BTNL2: variants seen among roughly 807,000 people sequenced by gnomAD.
BTNL2 encodes the protein butyrophilin like 2.
In BTNL2, 46 loss-of-function variants were observed where a neutral mutation model predicts 46.8. The observed-to-expected ratio is 0.98, with a 90% CI of 0.78 to 1.26. The LOEUF is 1.26. BTNL2 is among the 50% of genes most tolerant of loss of function. BTNL2 has a pLI of 0.00. For synonymous variants in BTNL2, 226 were observed against 229.1 expected (o/e 0.99, Z 0.12); for missense variants, 461 against 592.6 (o/e 0.78, Z 2.31).
rs760130566 is a variant in BTNL2 at position 32,405,267 on chromosome 6, G to A, written c.99C>T (p.Gly33=). 27 of 1,612,988 alleles carry A rather than the reference G, an allele frequency of 1.7e-5. No individual in the cohort carries two copies. In the South Asian group the frequency reaches 2.6e-4, roughly 16 times the overall value. Residue 33 remains glycine (G), a synonymous_variant, in exon 2 of 8, where the codon GGC becomes GGT. Transcript: ENST00000454136. ...CCCCGGCCAGGATAGGATGAGCAGGGCCAATGACTCTAAAGTCTTCTATAA... is the reference window on the plus strand; with the variant it reads ...CCCCGGCCAGGATAGGATGAGCAGGACCAATGACTCTAAAGTCTTCTATAA... ...MKQSEDFRVI[G]PAHPILAGVG...
chr6:32,396,244 C>T lies in BTNL2; in HGVS notation c.873G>A (p.Val291=), dbSNP rs753429144. 12 of 1,613,002 alleles carry T rather than the reference C, an allele frequency of 7.4e-6. No homozygotes were observed. In the Admixed American group the frequency reaches 1.7e-4, roughly 22 times the overall value. The change falls in exon 5 of 8, where the codon GTG becomes GTA. Residue 291 remains valine (V), a synonymous_variant. Transcript: ENST00000454136. This position sits in a 1 kb window ranked among gnomAD's most constrained non-coding sequence, Gnocchi z 4.4. ...CATGGTCCCCATCCATATACACATG[C>T]ACAGCAGGGTAACGGTGGGATCGGT... The part of the protein sequence containing the change: ...RWDRSHRYPA[V]HVYMDGDHVA...
At position 32,394,950 on chromosome 6, in the gene BTNL2, C is replaced by T; in HGVS notation, c.1154G>A (p.Gly385Glu). The T allele has an allele frequency of 6.2e-7, 1 of 1,614,094 alleles. No homozygotes were observed. Among genetic ancestry groups the T allele is most frequent in the Non-Finnish European group, 8.5e-7 (1 of 1,179,976 alleles). ...GEMQPMCSSD[G>E]WFPQPHVPWR... The stretch of plus-strand genomic sequence containing the variant: ...TGGCACGTGGGGCTGTGGGAACCAC[C>T]CATCTGAAGAGCACATCGGCTGCAT... The change falls in exon 6 of 8, where the codon GGG becomes GAG. Residue 385 changes from glycine to glutamate, a missense_variant. Physicochemically the swap from Gly to Glu is moderately conservative, Grantham distance 98. Transcript: ENST00000454136. The surrounding 1 kb of genome is among the most constrained non-coding windows in gnomAD (Gnocchi z 4.6).
chr6:32,405,053 C>T lies in BTNL2; in HGVS notation c.313G>A (p.Gly105Arg), dbSNP rs1777036266. 6.2e-7 allele frequency: 1 copy of T among 1,613,064 alleles called. No homozygotes were observed. Among genetic ancestry groups the T allele is most frequent in the Non-Finnish European group, 8.5e-7 (1 of 1,180,038 alleles). Residue 105 changes from glycine to arginine, a missense_variant, in exon 2 of 8, where the codon GGA becomes AGA. Transcript: ENST00000454136. ...VEWIENGIAK[G>R]NVALKIHNIQ... ...TTGTGTATCTTCAGTGCCACATTTC[C>T]CTTTGCAATGCCATTCTCTATCCAC...
At chr6:32,403,459 G>A (rs147758733) in intron 2 of BTNL2, among the ~76,000 whole-genome samples, 14 of 152,318 alleles carry the variant, frequency 9.2e-5, no homozygotes, top group African/African-American at 2.6e-4. Context: ...AAGGGGAATC[G>A]GAGAAGGGGG....
In BTNL2 at chr6:32,396,541, G is replaced by T; in HGVS notation, c.731-155C>A. On this transcript the variant is annotated intron_variant, in intron 4 of 7. Coordinates refer to ENST00000454136, the MANE Select transcript of BTNL2 (RefSeq NM_001304561.2). This position sits in a 1 kb window ranked among gnomAD's most constrained non-coding sequence, Gnocchi z 4.4. ...CCTTAGGTGAGGTGGGGGTTTCATG[G>T]ACTCAGAATAGAGGTTGCTCTTCTT... 1 of 713,472 alleles carries T rather than the reference G, an allele frequency of 1.4e-6. No homozygotes were observed. Among genetic ancestry groups the T allele is most frequent in the East Asian group, 2.7e-5 (1 of 37,148 alleles). The allele number at this position is 713,472 out of a possible 1,614,324, so 44.2% of individuals were successfully genotyped here. A position where few individuals can be genotyped will look rare whatever the true frequency, so the allele number is the denominator to read the frequency against.
chr6:32,395,963 G>T (rs1776420542), intron 5 of BTNL2, 76 bp downstream of exon 5: 1 of 1,214,954 alleles, frequency 8.2e-7, no homozygotes, highest in Non-Finnish European at 1.2e-6. Context: ...AAATGTCAGA[G>T]AAATTGTCCA....
Position 32,394,070 on chromosome 6 carries a change from C to T in BTNL2, c.1361-13G>A. 6.5e-7 allele frequency: 1 copy of T among 1,549,306 alleles called. No individual in the cohort carries two copies. The highest frequency in any genetic ancestry group is 8.7e-7 in the Non-Finnish European group (1 of 1,146,016). On this transcript the variant is annotated splice_polypyrimidine_tract_variant and intron_variant, in intron 6 of 7. Coordinates refer to ENST00000454136, the MANE Select transcript of BTNL2 (RefSeq NM_001304561.2). This position sits in a 1 kb window ranked among gnomAD's most constrained non-coding sequence, Gnocchi z 4.6. ...GTCATCCTGGACTCTAAAATGGAAACCCAAGAATCCCTTGAAACTGTGAAA... is the reference window on the plus strand; with the variant it reads ...GTCATCCTGGACTCTAAAATGGAAATCCAAGAATCCCTTGAAACTGTGAAA...
chr6:32,401,641 C>T, intron 4 of BTNL2, 144 bp downstream of exon 4: 1 of 677,116 alleles, frequency 1.5e-6, no homozygotes, highest in Non-Finnish European at 2.4e-6. Context: ...TGCTGGTCTC[C>T]TCTGGTATTT....
At chr6:32,400,684 C>T (rs796726745) in intron 4 of BTNL2, among the ~76,000 whole-genome samples, 67 of 145,872 alleles carry the variant, frequency 4.6e-4, no homozygotes, top group African/African-American at 1.6e-3. Flanking sequence ...CCAAGGCCGG[C>T]GGATCATGAG....
rs1357588427 is a variant in BTNL2, at chr6:32,403,022, C to A, written c.622G>T (p.Val208Phe). The A allele has an allele frequency of 6.2e-7, 1 of 1,612,866 alleles. No individual in the cohort carries two copies. Among genetic ancestry groups the A allele is most frequent in the Admixed American group, 1.7e-5 (1 of 60,012 alleles). ...GLFYAEATLV[V>F]RNASAESVSC... The stretch of plus-strand genomic sequence containing the variant: ...ACAGACTCTGCAGAGGCGTTCCTGA[C>A]CACCAGGGTGGCTTCCGCATAGAAC... The change falls in exon 3 of 8, where the codon GTC (valine) becomes TTC (phenylalanine). Residue 208 changes from valine to phenylalanine, a missense_variant. Val to Phe is a conservative substitution (Grantham distance 50). Coordinates refer to ENST00000454136, the MANE Select transcript of BTNL2 (RefSeq NM_001304561.2).
In BTNL2 at chr6:32,394,835, T is replaced by A. The variant is rs539316601; in HGVS notation, c.1269A>T (p.Leu423=). The change falls in exon 6 of 8, where the codon CTA becomes CTT. Residue 423 remains leucine, a synonymous_variant. Coordinates refer to ENST00000454136, the MANE Select transcript of BTNL2 (RefSeq NM_001304561.2). This position sits in a 1 kb window ranked among gnomAD's most constrained non-coding sequence, Gnocchi z 4.6. ...CCACAGCGGAGATGTTTGTGACCCT[T>A]AGCAATGTCTGCACGTGGAACAGCC... The part of the protein sequence containing the change: ...SHGLFHVQTL[L]RVTNISAVDV... The A allele has an allele frequency of 3.7e-6, 6 of 1,614,204 alleles. No individual in the cohort carries two copies. The South Asian group carries it at 6.6e-5, about 18-fold the overall frequency.
chr6:32,400,273 T>C (rs562307471), intron 4 of BTNL2, among the ~76,000 whole-genome samples: 3 of 152,238 alleles, frequency 2.0e-5, no homozygotes, highest in Admixed American at 6.5e-5. Flanking sequence ...AGAGATTGGG[T>C]TGTGTTTGTT....
chr6:32,398,929 T>C (rs1171728579), intron 4 of BTNL2, among the ~76,000 whole-genome samples: 1 of 152,160 alleles, frequency 6.6e-6, no homozygotes, highest in African/African-American at 2.4e-5. Flanking sequence ...ACTTTTTTTT[T>C]CTTTCAATTT....
In BTNL2 at chr6:32,396,171, T is replaced by A; in HGVS notation, c.946A>T (p.Ser316Cys). 1 of 1,613,112 alleles carries A rather than the reference T, an allele frequency of 6.2e-7. No individual in the cohort carries two copies. The highest frequency in any genetic ancestry group is 8.5e-7 in the Non-Finnish European group (1 of 1,180,028). ...AGTCTGCCCTCGTCAATGGCGTCAC[T>A]CACCAGTACAGTCCTCCCTCTGTAC... Reference protein sequence around the residue: ...AEYRGRTVLVSDAIDEGRLTL... With the variant: ...AEYRGRTVLVCDAIDEGRLTL... Residue 316 changes from serine (S) to cysteine (C), a missense_variant, in exon 5 of 8, where the codon AGT becomes TGT. Physicochemically the swap from Ser to Cys is moderately radical, Grantham distance 112 (BLOSUM62 -1). Coordinates refer to ENST00000454136, the MANE Select transcript of BTNL2 (RefSeq NM_001304561.2). The surrounding 1 kb of genome is among the most constrained non-coding windows in gnomAD (Gnocchi z 4.4).
Position 32,393,695 on chromosome 6 carries a change from A to G in BTNL2, c.*6+268T>C. 3.0e-6 allele frequency: 1 copy of G among 328,768 alleles called. No homozygotes were observed. The highest frequency in any genetic ancestry group is 5.4e-6 in the Non-Finnish European group (1 of 183,880). The allele number at this position is 328,768 out of a possible 1,614,324, so 20.4% of individuals were successfully genotyped here. ...CTCACTTTTTTCTTCTTCTTCCCTAACCAGATCACTGGGGAATGGGCAGCA... is the reference window on the plus strand; with the variant it reads ...CTCACTTTTTTCTTCTTCTTCCCTAGCCAGATCACTGGGGAATGGGCAGCA... On this transcript the variant is annotated intron_variant, in intron 7 of 7. Transcript: ENST00000454136. The surrounding 1 kb of genome is among the most constrained non-coding windows in gnomAD (Gnocchi z 4.8).
In BTNL2 at chr6:32,400,745, T is replaced by TAAAAATACAAAAAAAAAAAAAAAAAAA. The variant is rs9281774; in HGVS notation, c.730+1039_730+1040insTTTTTTTTTTTTTTTTTTTGTATTTTT. Among the ~76,000 whole-genome samples the TAAAAATACAAAAAAAAAAAAAAAAAAA allele has an allele frequency of 2.4e-5, 2 of 82,144 alleles. 1 individual carries two copies. Among genetic ancestry groups the TAAAAATACAAAAAAAAAAAAAAAAAAA allele is most frequent in the African/African-American group, 8.7e-5 (2 of 22,904 alleles). The allele number at this position is 82,144 out of a possible 152,430, so 53.9% of individuals were successfully genotyped here. A position where few individuals can be genotyped will look rare whatever the true frequency, so the allele number is the denominator to read the frequency against. ...CAACATGGTGAAACCCCGTCTCTAC[T>TAAAAATACAAAAAAAAAAAAAAAAAAA]AAAAAAAAAAAAAAAAAATTAGCTG... is the stretch of plus-strand genomic sequence containing the variant. On this transcript the variant is annotated intron_variant, in intron 4 of 7. Coordinates refer to ENST00000454136, the MANE Select transcript of BTNL2 (RefSeq NM_001304561.2).
In BTNL2 at chr6:32,395,083, A is replaced by G. The variant is rs538617581; in HGVS notation, c.1079-58T>C. The G allele has an allele frequency of 6.2e-5, 92 of 1,493,126 alleles. 2 individuals carry two copies. The highest frequency in any genetic ancestry group is 5.6e-4 in the South Asian group (41 of 73,312). The allele number at this position is 1,493,126 out of a possible 1,614,324, so 92.5% of individuals were successfully genotyped here. ...CCTTTCAAGTGGATGAGTGGGCAGC[A>G]ATTTCACTGGGAGGAAAGAAGGGGA... is the stretch of plus-strand genomic sequence containing the variant. On this transcript the variant is annotated intron_variant, in intron 5 of 7. Transcript: ENST00000454136.
chr6:32,403,384 T>C (rs1348519272), intron 2 of BTNL2, among the ~76,000 whole-genome samples, 168 bp from the exon 3 acceptor site: 2 of 152,186 alleles, frequency 1.3e-5, no homozygotes, highest in Admixed American at 6.5e-5. Context: ...AGATACACTT[T>C]ATTTGTTCCC....
intron 1 of BTNL2, chr6:32,406,337 T>TCACACCAGCTCTGCAGCGCCAAGGCAGA (rs1777143032): frequency 1.3e-5 from 2 of 151,250 alleles, no homozygotes; most frequent in South Asian, 2.1e-4. Flanking sequence ...CTTCATCACA[T>TCACACCAGCTCTGCAGCGCCAAGGCAGA]CACACCAGCT....
Sources: gnomAD v4.1 joint callset for allele counts (sites outside exome capture counted in the v4.1 genomes callset) on GRCh38, gnomAD v4.1.1 for gene constraint, Gnocchi (gnomAD v3.1) non-coding constraint, MANE v1.5 for transcripts, NCBI Gene and HGNC (gene_info 2026-07-23, HGNC 2026-07-21) for gene names.